The following CHCHD6 variants were observed in gnomAD, a reference collection of about 807,000 sequenced individuals.
CHCHD6 encodes the protein coiled-coil-helix-coiled-coil-helix domain containing 6.
In CHCHD6, 28 loss-of-function variants were observed where a neutral mutation model predicts 32.3. That is an observed-to-expected ratio of 0.87 (90% CI 0.64 to 1.19). CHCHD6 has a LOEUF of 1.19. Among genes scored for constraint, CHCHD6 ranks in the 50% most tolerant of loss-of-function variants. The pLI, the probability that CHCHD6 is intolerant of heterozygous loss-of-function variation, is 0.00. For synonymous variants in CHCHD6, 122 were observed against 117.5 expected (o/e 1.04, Z -0.25); for missense variants, 333 against 307.0 (o/e 1.08, Z -0.63).
At chr3:126,723,239 T>A (rs1559804821) in intron 1 of CHCHD6, among the ~76,000 whole-genome samples, 1 of 152,328 alleles carries the variant, frequency 6.6e-6, no homozygotes, top group South Asian at 2.1e-4. Flanking sequence ...TCTATTATTA[T>A]TATTATTATT....
chr3:126,838,915 G>C (rs997316053), intron 4 of CHCHD6, among the ~76,000 whole-genome samples: 36 of 141,152 alleles, frequency 2.6e-4, no homozygotes, highest in Non-Finnish European at 4.2e-4. Flanking sequence ...TTTTGAGACA[G>C]TCTTGCTCTG....
At chr3:126,785,771 A>G (rs1346634991) in intron 4 of CHCHD6, among the ~76,000 whole-genome samples, 3 of 151,844 alleles carry the variant, frequency 2.0e-5, no homozygotes, top group Non-Finnish European at 4.4e-5. Flanking sequence ...AAATGTCCCA[A>G]TTTTTCCTCC....
chr3:126,777,606 C>G (rs1937711039), intron 4 of CHCHD6, among the ~76,000 whole-genome samples: 1 of 152,162 alleles, frequency 6.6e-6, no homozygotes, highest in Admixed American at 6.5e-5. Flanking sequence ...CTGCATACTT[C>G]CCACTCCATA....
At chr3:126,852,888 C>G (rs1187622815) in intron 5 of CHCHD6, among the ~76,000 whole-genome samples, 158 bp downstream of exon 5, 1 of 152,202 alleles carries the variant, frequency 6.6e-6, no homozygotes. Flanking sequence ...CATTCTGCAG[C>G]AGGCACCCAA....
At chr3:126,811,524 C>G (rs1939653015) in intron 4 of CHCHD6, among the ~76,000 whole-genome samples, 1 of 151,420 alleles carries the variant, frequency 6.6e-6, no homozygotes, top group Non-Finnish European at 1.5e-5. Context: ...TATTTCCGTT[C>G]TAATTCTTTC....
In CHCHD6 at chr3:126,730,686, C is replaced by T. The variant is rs1935757705; in HGVS notation, c.266+56C>T. 1.8e-5 allele frequency: 26 copies of T among 1,447,612 alleles called. No individual in the cohort carries two copies. In the South Asian group the frequency reaches 2.9e-4, roughly 16 times the overall value. The allele number at this position is 1,447,612 out of a possible 1,614,324, so 89.7% of individuals were successfully genotyped here. A position where few individuals can be genotyped will look rare whatever the true frequency, so the allele number is the denominator to read the frequency against. Reference sequence around the variant, plus strand: ...CTGCGCTCCGCCTAAAAGCCTCTTTCCTCACTGGGTACCCCTCTCCTTGCC... The same window carrying T: ...CTGCGCTCCGCCTAAAAGCCTCTTTTCTCACTGGGTACCCCTCTCCTTGCC... On this transcript the variant is annotated intron_variant, in intron 3 of 7. Transcript: ENST00000290913.
intron 4 of CHCHD6, among the ~76,000 whole-genome samples, chr3:126,833,760 A>T (rs1940734480): frequency 6.6e-6 from 1 of 152,188 alleles, no homozygotes. Context: ...TTTTGTTAGA[A>T]TTACCAATAA....
intron 4 of CHCHD6, among the ~76,000 whole-genome samples, chr3:126,779,943 G>A (rs1270267336): frequency 6.6e-6 from 1 of 152,146 alleles, no homozygotes; most frequent in Non-Finnish European, 1.5e-5. Context: ...GGTCTTGTGA[G>A]TGCATCAGAG....
chr3:126,904,858 G>A (rs116689210), intron 5 of CHCHD6, among the ~76,000 whole-genome samples: 1,810 of 152,286 alleles, frequency 0.012, 19 homozygotes, highest in Middle Eastern at 0.048. Context: ...AGCCAGCTTC[G>A]TTAAGAAATA....
intron 5 of CHCHD6, among the ~76,000 whole-genome samples, chr3:126,877,486 C>T (rs960205308): frequency 2.6e-5 from 4 of 151,006 alleles, no homozygotes; most frequent in South Asian, 2.1e-4. Flanking sequence ...ACCCGGGAGG[C>T]GGAGCTTGCA....
intron 6 of CHCHD6, among the ~76,000 whole-genome samples, chr3:126,933,208 C>A (rs561827172): frequency 6.6e-6 from 1 of 152,146 alleles, no homozygotes; most frequent in African/African-American, 2.4e-5. Context: ...CTTGCCTCTC[C>A]GAAGCCTGGT....
chr3:126,916,647 A>G (rs1053579268), intron 6 of CHCHD6, among the ~76,000 whole-genome samples: 4 of 152,176 alleles, frequency 2.6e-5, no homozygotes, highest in African/African-American at 9.7e-5. Context: ...CCACACACAG[A>G]CACCCTGCCC....
At chr3:126,799,329 A>G (rs1231749876) in intron 4 of CHCHD6, among the ~76,000 whole-genome samples, 1 of 152,216 alleles carries the variant, frequency 6.6e-6, no homozygotes, top group Admixed American at 6.5e-5. Context: ...GGACAAGCCC[A>G]GAGGGAGTGC....
chr3:126,761,403 C>T (rs1937158373), intron 4 of CHCHD6, among the ~76,000 whole-genome samples: 1 of 152,080 alleles, frequency 6.6e-6, no homozygotes, highest in Non-Finnish European at 1.5e-5. Flanking sequence ...ATTTAGGGCC[C>T]ACCATAATAC....
intron 4 of CHCHD6, among the ~76,000 whole-genome samples, chr3:126,806,488 C>T (rs1026360587): frequency 1.3e-5 from 2 of 152,082 alleles, no homozygotes; most frequent in Admixed American, 1.3e-4. Flanking sequence ...CAAATCAAAA[C>T]CACAATGAGA....
At chr3:126,895,425 A>G (rs569621545) in intron 5 of CHCHD6, among the ~76,000 whole-genome samples, 1 of 152,280 alleles carries the variant, frequency 6.6e-6, no homozygotes, top group East Asian at 1.9e-4. Flanking sequence ...ATTCTGGGCT[A>G]TTTGCAGCAG....
chr3:126,904,501 A>G (rs1483917711), intron 5 of CHCHD6, among the ~76,000 whole-genome samples: 2 of 152,206 alleles, frequency 1.3e-5, no homozygotes, highest in East Asian at 3.8e-4. Context: ...GGCTATTGCT[A>G]ATTAACACAG....
intron 1 of CHCHD6, among the ~76,000 whole-genome samples, chr3:126,713,131 C>T (rs1400820564): frequency 6.6e-6 from 1 of 152,172 alleles, no homozygotes; most frequent in East Asian, 1.9e-4. Context: ...AGCTTGCTTC[C>T]CACAAATCTA....
chr3:126,866,831 A>G (rs1037002061), intron 5 of CHCHD6, among the ~76,000 whole-genome samples: 2 of 152,200 alleles, frequency 1.3e-5, no homozygotes, highest in African/African-American at 4.8e-5. Flanking sequence ...GTACTTCAAT[A>G]TGCATCTCTA....
Sources: gnomAD v4.1 joint callset for allele counts (sites outside exome capture counted in the v4.1 genomes callset) on GRCh38, gnomAD v4.1.1 for gene constraint, MANE v1.5 for transcripts, NCBI Gene and HGNC (gene_info 2026-07-23, HGNC 2026-07-21) for gene names.